Variants in MCTP1 observed in about 807,000 individuals in gnomAD.
The protein encoded by MCTP1 is multiple C2 and transmembrane domain containing 1.
A neutral mutation model predicts 120.6 loss-of-function variants in MCTP1; 69 were observed. That is an observed-to-expected ratio of 0.57 (90% CI 0.47 to 0.70). The LOEUF is 0.70. Ranked by LOEUF, MCTP1 falls within the 30% of genes least tolerant of loss-of-function variation. MCTP1 has a pLI of 0.00. For synonymous variants in MCTP1, 529 were observed against 493.1 expected, an observed-to-expected ratio of 1.07 and a Z score of -0.96; for missense variants, 1,203 against 1,248.8, an observed-to-expected ratio of 0.96 and a Z score of 0.55.
At chr5:95,280,969 G>T (rs1760269531) in intron 1 of MCTP1, among the ~76,000 whole-genome samples, 1 of 152,192 alleles carries the variant, frequency 6.6e-6, no homozygotes, top group Admixed American at 6.5e-5. Context: ...AGGTGGAGAC[G>T]TGGAGAGTGT....
chr5:94,998,882 C>T (rs1325759632), intron 2 of MCTP1, among the ~76,000 whole-genome samples: 3 of 152,184 alleles, frequency 2.0e-5, no homozygotes, highest in Admixed American at 1.3e-4. Context: ...CTGATGAATA[C>T]GCACATAAGA....
chr5:95,104,464 C>G (rs1302916986), intron 1 of MCTP1, among the ~76,000 whole-genome samples: 1 of 152,116 alleles, frequency 6.6e-6, no homozygotes, highest in East Asian at 1.9e-4. Context: ...TGAAAAATGT[C>G]TAAGTAATGC....
chr5:94,850,261 T>G (rs900281353), intron 17 of MCTP1, among the ~76,000 whole-genome samples: 1 of 152,110 alleles, frequency 6.6e-6, no homozygotes, highest in Non-Finnish European at 1.5e-5. Flanking sequence ...CAAAGTAAAG[T>G]CACCTCTGAG....
intron 1 of MCTP1, among the ~76,000 whole-genome samples, chr5:95,208,135 G>A (rs1018736592): frequency 2.6e-5 from 4 of 152,116 alleles, no homozygotes; most frequent in African/African-American, 7.2e-5. Flanking sequence ...TGTTGCCCAG[G>A]CTGGAGTGCA....
chr5:95,195,437 G>A (rs1356595854), intron 1 of MCTP1, among the ~76,000 whole-genome samples: 2 of 152,176 alleles, frequency 1.3e-5, no homozygotes, highest in Non-Finnish European at 2.9e-5. Flanking sequence ...GAGATGTTCA[G>A]CAATGGTGGG....
intron 3 of MCTP1, among the ~76,000 whole-genome samples, chr5:94,951,524 CTG>C (rs1197876522): frequency 6.6e-6 from 1 of 152,156 alleles, no homozygotes; most frequent in Non-Finnish European, 1.5e-5. Context: ...TCCAAACAGC[CTG>C]TTGCTGTCCT....
intron 19 of MCTP1, among the ~76,000 whole-genome samples, chr5:94,751,791 T>C (rs1257890940): frequency 6.6e-6 from 1 of 152,088 alleles, no homozygotes; most frequent in African/African-American, 2.4e-5. Flanking sequence ...GACTTGTCTT[T>C]TGTTCTAGGA....
chr5:95,188,750 G>A (rs1749510193), intron 1 of MCTP1, among the ~76,000 whole-genome samples: 1 of 152,108 alleles, frequency 6.6e-6, no homozygotes, highest in African/African-American at 2.4e-5. Flanking sequence ...AAACTGTTCT[G>A]ACAGGGGTGG....
At position 95,063,252 on chromosome 5, in the gene MCTP1, C is replaced by T. The variant is rs548107106; in HGVS notation, c.721-45768G>A. 2.0e-5 allele frequency among the ~76,000 whole-genome samples: 3 copies of T among 152,366 alleles called. No homozygotes were observed. In the East Asian group the frequency reaches 5.8e-4, roughly 29 times the overall value. On this transcript the variant is annotated intron_variant, in intron 1 of 22. Transcript: ENST00000515393. Reference sequence around the variant, plus strand: ...TACATGGTGATCTTGTGGAATGTGACTGTGCCGGGGAAAGCCAAACCTTCC... The same window carrying T: ...TACATGGTGATCTTGTGGAATGTGATTGTGCCGGGGAAAGCCAAACCTTCC...
intron 1 of MCTP1, among the ~76,000 whole-genome samples, chr5:95,266,469 A>G (rs1758893560): frequency 6.6e-6 from 1 of 152,240 alleles, no homozygotes; most frequent in African/African-American, 2.4e-5. Context: ...ACCCAAATAG[A>G]ACGAGAATTA....
At chr5:94,958,692 C>T (rs1823319341) in intron 2 of MCTP1, among the ~76,000 whole-genome samples, 1 of 152,130 alleles carries the variant, frequency 6.6e-6, no homozygotes, top group African/African-American at 2.4e-5. Flanking sequence ...AATTCCTGGA[C>T]ACATACACCC....
chr5:94,867,721 A>G (rs1378457761), intron 17 of MCTP1: 2 of 220,026 alleles, frequency 9.1e-6, no homozygotes, highest in African/African-American at 4.6e-5. Context: ...GTCTCATCAG[A>G]AGTTTTTAAA....
At chr5:94,847,077 T>C (rs1166402084) in intron 17 of MCTP1, among the ~76,000 whole-genome samples, 1 of 152,202 alleles carries the variant, frequency 6.6e-6, no homozygotes, top group East Asian at 1.9e-4. Context: ...TTTGCGAACC[T>C]ATGTGTTAGA....
intron 19 of MCTP1, among the ~76,000 whole-genome samples, chr5:94,749,654 C>CAAAAAAAAAAAAAAAAAAAAAAAAA (rs57404381): frequency 2.0e-5 from 1 of 50,944 alleles, no homozygotes; most frequent in Non-Finnish European, 3.3e-5. Context: ...GACTTCATCT[C>CAAAAAAAAAAAAAAAAAAAAAAAAA]AAAAAAAAAA....
At chr5:94,763,262 C>G (rs1771758586) in intron 19 of MCTP1, among the ~76,000 whole-genome samples, 1 of 152,282 alleles carries the variant, frequency 6.6e-6, no homozygotes, top group Non-Finnish European at 1.5e-5. Flanking sequence ...ACAATTCTCT[C>G]CTTTAAAATT....
chr5:95,195,546 CA>C (rs890226096), intron 1 of MCTP1, among the ~76,000 whole-genome samples: 1 of 152,096 alleles, frequency 6.6e-6, no homozygotes, highest in Non-Finnish European at 1.5e-5. Flanking sequence ...CACATAAAAT[CA>C]GAGAAGAAAG....
intron 12 of MCTP1, among the ~76,000 whole-genome samples, chr5:94,882,933 C>T (rs1301608798): frequency 6.6e-6 from 1 of 152,102 alleles, no homozygotes; most frequent in Non-Finnish European, 1.5e-5. Flanking sequence ...CCTCATCAGC[C>T]CTTGTGCTAA....
Position 95,089,992 on chromosome 5 carries a change from TCCCCAGGGCCCCATCTGGTTC to T in MCTP1, c.721-72529_721-72509del, listed in dbSNP as rs542131108. ...CGACACAGCCCCACACTCAGGCCTC[TCCCCAGGGCCCCATCTGGTTC>T]CATCTTCAGGTCTCTTCTCATTCTT... is the stretch of plus-strand genomic sequence containing the variant. On this transcript the variant is annotated intron_variant, in intron 1 of 22. Transcript: ENST00000515393. 1.4e-4 allele frequency among the ~76,000 whole-genome samples: 22 copies of T among 152,258 alleles called. No homozygotes were observed. The South Asian group carries it at 4.4e-3, about 30-fold the overall frequency.
chr5:95,156,401 C>G (rs1029925780), intron 1 of MCTP1, among the ~76,000 whole-genome samples: 1 of 152,140 alleles, frequency 6.6e-6, no homozygotes, highest in Non-Finnish European at 1.5e-5. Context: ...GAATCCAATA[C>G]CCAAACCATT....
Sources: gnomAD v4.1 joint callset for allele counts (sites outside exome capture counted in the v4.1 genomes callset) on GRCh38, gnomAD v4.1.1 for gene constraint, MANE v1.5 for transcripts, NCBI Gene and HGNC (gene_info 2026-07-23, HGNC 2026-07-21) for gene names.